PDE4B: variants seen among roughly 807,000 people sequenced by gnomAD.
PDE4B encodes the protein phosphodiesterase 4B, also known as 3',5'-cyclic-AMP phosphodiesterase 4B.
Under a neutral mutation model 82.2 loss-of-function variants are expected in PDE4B, and 20 were observed. That is an observed-to-expected ratio of 0.24 (90% CI 0.17 to 0.35). The LOEUF (loss-of-function observed/expected upper bound fraction) is 0.35. Among genes scored for constraint, PDE4B ranks in the 10% least tolerant of loss-of-function variants. The pLI is 1.00. For missense variants in PDE4B, 655 were observed against 907.2 expected (o/e 0.72, Z 3.57); for synonymous variants, 320 against 318.9 (o/e 1.00, Z -0.04).
rs184977159 is a variant in PDE4B, at chr1:65,998,699, A to G, written c.281+79864A>G. On this transcript the variant is annotated intron_variant, in intron 3 of 16. Coordinates refer to ENST00000341517, the MANE Select transcript of PDE4B (RefSeq NM_002600.4). ...TTGGTGTCTCTTGCATTTATCACTT[A>G]CACCATGATGCTGTAGATAGTACTA... 2.6e-5 allele frequency among the ~76,000 whole-genome samples: 4 copies of G among 152,238 alleles called. No homozygotes were observed. The East Asian group carries it at 7.7e-4, about 29-fold the overall frequency.
chr1:66,193,113 G>A (rs1398913080), intron 3 of PDE4B, among the ~76,000 whole-genome samples: 1 of 152,050 alleles, frequency 6.6e-6, no homozygotes, highest in Non-Finnish European at 1.5e-5. Context: ...AGTGTGGGAA[G>A]GTACCTGACT....
chr1:65,862,931 T>A (rs1217636839), intron 1 of PDE4B, among the ~76,000 whole-genome samples: 2 of 152,230 alleles, frequency 1.3e-5, no homozygotes, highest in Non-Finnish European at 2.9e-5. Context: ...TCTATTTGAT[T>A]CTTCTCTCTT....
intron 3 of PDE4B, among the ~76,000 whole-genome samples, chr1:66,060,597 G>T (rs1655536128): frequency 6.6e-6 from 1 of 152,166 alleles, no homozygotes; most frequent in African/African-American, 2.4e-5. Context: ...TGCTGAAATT[G>T]TAAAATTTTG....
intron 3 of PDE4B, among the ~76,000 whole-genome samples, chr1:66,021,358 T>C (rs1653096302): frequency 6.6e-6 from 1 of 152,244 alleles, no homozygotes; most frequent in Non-Finnish European, 1.5e-5. Context: ...TTGTTGCCAT[T>C]GCTTTTGGTG....
intron 3 of PDE4B, among the ~76,000 whole-genome samples, chr1:65,978,275 G>T (rs912872599): frequency 2.0e-5 from 3 of 151,916 alleles, no homozygotes; most frequent in Non-Finnish European, 4.4e-5. Flanking sequence ...TGATCCACCC[G>T]CCTTGGCCTC....
chr1:65,984,915 T>A, intron 3 of PDE4B, among the ~76,000 whole-genome samples: 1 of 140,626 alleles, frequency 7.1e-6, no homozygotes, highest in South Asian at 2.5e-4. Context: ...GTAAATTTGA[T>A]TAACTCTAAA....
chr1:66,155,113 G>A (rs1193521372), intron 3 of PDE4B, among the ~76,000 whole-genome samples: 1 of 152,096 alleles, frequency 6.6e-6, no homozygotes, highest in Non-Finnish European at 1.5e-5. Context: ...TGGGAAACAG[G>A]AGTGAAACTC....
At chr1:66,088,703 C>G (rs1326116740) in intron 3 of PDE4B, among the ~76,000 whole-genome samples, 1 of 152,074 alleles carries the variant, frequency 6.6e-6, no homozygotes, top group Non-Finnish European at 1.5e-5. Context: ...ACTTGGGCTT[C>G]AGAGCCTAGT....
At chr1:66,052,287 T>C (rs1409172271) in intron 3 of PDE4B, among the ~76,000 whole-genome samples, 1 of 152,216 alleles carries the variant, frequency 6.6e-6, no homozygotes, top group Non-Finnish European at 1.5e-5. Context: ...TTACCTGTAC[T>C]ATCCTTTAAA....
chr1:66,054,344 C>T (rs1166606043), intron 3 of PDE4B, among the ~76,000 whole-genome samples: 1 of 152,086 alleles, frequency 6.6e-6, no homozygotes, highest in Non-Finnish European at 1.5e-5. Context: ...AGCAAAAAAG[C>T]ACATATTTTA....
chr1:66,118,919 C>T (rs768335391), intron 3 of PDE4B, among the ~76,000 whole-genome samples: 8 of 151,934 alleles, frequency 5.3e-5, no homozygotes, highest in South Asian at 2.1e-4. Flanking sequence ...CAAATGTTAC[C>T]GCTTTGAAGA....
At position 66,273,871 on chromosome 1, in the gene PDE4B, G is replaced by A. The variant is rs577114997; in HGVS notation, c.634+7784G>A. 7.2e-5 allele frequency among the ~76,000 whole-genome samples: 11 copies of A among 152,334 alleles called. No homozygotes were observed. In the South Asian group the frequency reaches 2.1e-3, roughly 29 times the overall value. ...ATATCTGCTAGCTCTCAGGACATGT[G>A]CATAGTGCTGACATCCCTTGCTAAT... On this transcript the variant is annotated intron_variant, in intron 7 of 16. Coordinates refer to ENST00000341517, the MANE Select transcript of PDE4B (RefSeq NM_002600.4).
chr1:66,009,905 TTATCTATC>T (rs80200150), intron 3 of PDE4B, among the ~76,000 whole-genome samples: 3,366 of 130,504 alleles, frequency 0.026, 74 homozygotes, highest in South Asian at 0.051. Context: ...ATCTGTATCT[TTATCTATC>T]TATCTATCTA....
At chr1:66,334,841 T>G (rs1412172270) in intron 8 of PDE4B, among the ~76,000 whole-genome samples, 1 of 152,196 alleles carries the variant, frequency 6.6e-6, no homozygotes, top group Non-Finnish European at 1.5e-5. Flanking sequence ...GAGTGGTGGC[T>G]CACGCCTGTA....
At chr1:66,145,241 T>A (rs1448984535) in intron 3 of PDE4B, among the ~76,000 whole-genome samples, 1 of 152,168 alleles carries the variant, frequency 6.6e-6, no homozygotes, top group African/African-American at 2.4e-5. Context: ...AGGCTGTGTA[T>A]CACTGCAAAA....
intron 7 of PDE4B, among the ~76,000 whole-genome samples, chr1:66,289,227 C>T (rs1190248089): frequency 6.6e-6 from 1 of 152,086 alleles, no homozygotes; most frequent in Non-Finnish European, 1.5e-5. Flanking sequence ...ATGATGGTGT[C>T]TCTGCTTTCC....
At chr1:66,264,387 G>T (rs956979846) in intron 6 of PDE4B, among the ~76,000 whole-genome samples, 30 of 152,172 alleles carry the variant, frequency 2.0e-4, no homozygotes, top group Admixed American at 1.7e-3. Context: ...GAAAGACTTA[G>T]CTTTGAATTC....
At chr1:66,271,470 T>C (rs1165399014) in intron 7 of PDE4B, among the ~76,000 whole-genome samples, 1 of 152,214 alleles carries the variant, frequency 6.6e-6, no homozygotes, top group Non-Finnish European at 1.5e-5. Context: ...TTAAATAGAT[T>C]GCTGGCCCTC....
chr1:65,847,064 A>G (rs774996755), intron 1 of PDE4B, among the ~76,000 whole-genome samples: 3 of 152,236 alleles, frequency 2.0e-5, no homozygotes, highest in Admixed American at 1.3e-4. Flanking sequence ...GCTAACAGTC[A>G]TAACATTTTC....
Sources: gnomAD v4.1 joint callset for allele counts (sites outside exome capture counted in the v4.1 genomes callset) on GRCh38, gnomAD v4.1.1 for gene constraint, MANE v1.5 for transcripts, NCBI Gene and HGNC (gene_info 2026-07-23, HGNC 2026-07-21) for gene names.